The following TSSK2 variants were observed in gnomAD, a reference collection of about 807,000 sequenced individuals.
TSSK2 encodes testis specific serine kinase 2.
A neutral mutation model predicts 14.2 loss-of-function variants in TSSK2; 5 were observed. The ratio of observed to expected loss-of-function variants is 0.35; its 90% confidence interval spans 0.18 to 0.74. The LOEUF is 0.74. Among genes scored for constraint, TSSK2 ranks in the 30% least tolerant of loss-of-function variants. The probability of loss-of-function intolerance (pLI) is 0.56; values close to 1 mark genes in which losing one functional copy is unlikely to be tolerated. For missense variants in TSSK2, 439 were observed against 491.1 expected, an observed-to-expected ratio of 0.89 and a Z score of 1.00; for synonymous variants, 209 against 201.9, an observed-to-expected ratio of 1.04 and a Z score of -0.30.
Position 19,132,532 on chromosome 22 carries a change from G to A in TSSK2, c.*56G>A. The A allele has an allele frequency of 6.6e-7, 1 of 1,522,890 alleles. No homozygotes were observed. The highest frequency in any genetic ancestry group is 1.4e-5 in the African/African-American group (1 of 72,496). The allele number at this position is 1,522,890 out of a possible 1,614,324, so 94.3% of individuals were successfully genotyped here. Reference sequence around the variant, plus strand: ...GGTCGGGGTTGGGGGGCATGGTGCAGTCGGCCTTCACGTAAACTAAGTAGG... The same window carrying A: ...GGTCGGGGTTGGGGGGCATGGTGCAATCGGCCTTCACGTAAACTAAGTAGG... On this transcript the variant is annotated 3_prime_UTR_variant, in exon 1 of 1. Coordinates refer to ENST00000399635, the MANE Select transcript of TSSK2 (RefSeq NM_053006.5). This position sits in a 1 kb window ranked among gnomAD's most constrained non-coding sequence, Gnocchi z 4.2.
chr22:19,132,036 T>C lies in TSSK2; in HGVS notation c.637T>C (p.Ser213Pro), dbSNP rs150218881. 9.9e-4 allele frequency: 1,592 copies of C among 1,614,006 alleles called. 1 individual carries two copies. Among genetic ancestry groups the C allele is most frequent in the Middle Eastern group, 1.5e-3 (9 of 6,062 alleles). The change falls in exon 1 of 1, where the codon TCC becomes CCC. Residue 213 changes from serine to proline, a missense_variant. Transcript: ENST00000399635. This position sits in a 1 kb window ranked among gnomAD's most constrained non-coding sequence, Gnocchi z 4.2. ...GATCCTGTACATCATGGTCTGCGGC[T>C]CCATGCCCTATGACGACTCCGACAT... The part of the protein sequence containing the change: ...GVILYIMVCG[S>P]MPYDDSDIRK...
Position 19,131,956 on chromosome 22 carries a change from T to C in TSSK2, c.557T>C (p.Val186Ala), listed in dbSNP as rs780542563. 1 of 1,613,958 alleles carries C rather than the reference T, an allele frequency of 6.2e-7. No individual in the cohort carries two copies. Among genetic ancestry groups the C allele is most frequent in the Non-Finnish European group, 8.5e-7 (1 of 1,180,016 alleles). Reference protein sequence around the residue: ...CGSAAYAAPEVLQSIPYQPKV... With the variant: ...CGSAAYAAPEALQSIPYQPKV... Reference sequence around the variant, plus strand: ...TCGGCAGCATATGCAGCCCCCGAGGTGCTGCAGAGCATCCCCTACCAGCCC... The same window carrying C: ...TCGGCAGCATATGCAGCCCCCGAGGCGCTGCAGAGCATCCCCTACCAGCCC... The change falls in exon 1 of 1, where the codon GTG becomes GCG. Residue 186 changes from valine to alanine, a missense_variant. Val to Ala is a moderately conservative substitution (Grantham distance 64, BLOSUM62 0). Coordinates refer to ENST00000399635, the MANE Select transcript of TSSK2 (RefSeq NM_053006.5). The surrounding 1 kb of genome is among the most constrained non-coding windows in gnomAD (Gnocchi z 5.7).
rs1275061241 is a variant in TSSK2 at position 19,132,083 on chromosome 22, G to C, written c.684G>C (p.Gln228His). The change falls in exon 1 of 1, where the codon CAG becomes CAC. Residue 228 changes from glutamine to histidine, a missense_variant. Transcript: ENST00000399635. This position sits in a 1 kb window ranked among gnomAD's most constrained non-coding sequence, Gnocchi z 4.2. Reference sequence around the variant, plus strand: ...ACATCAGGAAGATGCTGCGTATCCAGAAGGAGCACCGTGTGGACTTCCCGC... The same window carrying C: ...ACATCAGGAAGATGCTGCGTATCCACAAGGAGCACCGTGTGGACTTCCCGC... Reference protein sequence around the residue: ...DSDIRKMLRIQKEHRVDFPRS... With the variant: ...DSDIRKMLRIHKEHRVDFPRS... 1 of 1,613,204 alleles carries C rather than the reference G, an allele frequency of 6.2e-7. No homozygotes were observed.
Position 19,131,412 on chromosome 22 carries a change from A to G in TSSK2, c.13A>G (p.Thr5Ala). Residue 5 changes from threonine to alanine, a missense_variant, in exon 1 of 1, where the codon ACA (threonine) becomes GCA (alanine). Thr to Ala is a moderately conservative substitution (Grantham distance 58). Coordinates refer to ENST00000399635, the MANE Select transcript of TSSK2 (RefSeq NM_053006.5). The surrounding 1 kb of genome is among the most constrained non-coding windows in gnomAD (Gnocchi z 5.7). ...CGCTCCTGGCACCATGGACGATGCCACAGTCCTAAGGAAGAAGGGTTACAT... is the reference window on the plus strand; with the variant it reads ...CGCTCCTGGCACCATGGACGATGCCGCAGTCCTAAGGAAGAAGGGTTACAT... Reference protein sequence around the residue: MDDATVLRKKGYIVG... With the variant: MDDAAVLRKKGYIVG... 6.2e-7 allele frequency: 1 copy of G among 1,602,930 alleles called. No individual in the cohort carries two copies. Among genetic ancestry groups the G allele is most frequent in the African/African-American group, 1.3e-5 (1 of 74,718 alleles).
chr22:19,132,505 G>A lies in TSSK2; in HGVS notation c.*29G>A. ...GACAATGGCCCCGTTGTGTGTGGTG[G>A]GGGTCGGGGTTGGGGGGCATGGTGC... On this transcript the variant is annotated 3_prime_UTR_variant, in exon 1 of 1. Coordinates refer to ENST00000399635, the MANE Select transcript of TSSK2 (RefSeq NM_053006.5). This position sits in a 1 kb window ranked among gnomAD's most constrained non-coding sequence, Gnocchi z 4.2. 1 of 1,574,452 alleles carries A rather than the reference G, an allele frequency of 6.4e-7. No homozygotes were observed. Among genetic ancestry groups the A allele is most frequent in the South Asian group, 1.2e-5 (1 of 85,434 alleles).
Position 19,131,338 on chromosome 22 carries a change from T to C in TSSK2, c.-62T>C. On this transcript the variant is annotated 5_prime_UTR_variant, in exon 1 of 1. It removes an upstream start codon present in the reference 5' UTR. Coordinates refer to ENST00000399635, the MANE Select transcript of TSSK2 (RefSeq NM_053006.5). This position sits in a 1 kb window ranked among gnomAD's most constrained non-coding sequence, Gnocchi z 5.7. ...CCTCCGGTAGTGTAAATGAGGACAATGCCTGCTGGCCCACATGACGGGGGG... is the reference window on the plus strand; with the variant it reads ...CCTCCGGTAGTGTAAATGAGGACAACGCCTGCTGGCCCACATGACGGGGGG... 2 of 1,450,702 alleles carry C rather than the reference T, an allele frequency of 1.4e-6. No homozygotes were observed. The highest frequency in any genetic ancestry group is 2.6e-5 in the South Asian group (2 of 75,988). The allele number at this position is 1,450,702 out of a possible 1,614,324, so 89.9% of individuals were successfully genotyped here. A position where few individuals can be genotyped will look rare whatever the true frequency, so the allele number is the denominator to read the frequency against.
In TSSK2 at chr22:19,131,477, C is replaced by T; in HGVS notation, c.78C>T (p.Val26=). 1 of 1,614,118 alleles carries T rather than the reference C, an allele frequency of 6.2e-7. No homozygotes were observed. Among genetic ancestry groups the T allele is most frequent in the Non-Finnish European group, 8.5e-7 (1 of 1,180,024 alleles). The change falls in exon 1 of 1, where the codon GTC becomes GTT. Residue 26 remains valine (V), a synonymous_variant. Transcript: ENST00000399635. The surrounding 1 kb of genome is among the most constrained non-coding windows in gnomAD (Gnocchi z 5.7). ...TTGGCAAGGGTTCCTACGCAAAAGT[C>T]AAATCTGCCTACTCTGAGCGCCTCA... ...INLGKGSYAK[V]KSAYSERLKF... is the part of the protein sequence containing the mutation.
Position 19,131,348 on chromosome 22 carries a change from C to A in TSSK2, c.-52C>A. ...TGTAAATGAGGACAATGCCTGCTGG[C>A]CCACATGACGGGGGGATGTAGACGG... On this transcript the variant is annotated 5_prime_UTR_variant, in exon 1 of 1. Transcript: ENST00000399635. The surrounding 1 kb of genome is among the most constrained non-coding windows in gnomAD (Gnocchi z 5.7). 6.7e-7 allele frequency: 1 copy of A among 1,488,776 alleles called. No individual in the cohort carries two copies. Among genetic ancestry groups the A allele is most frequent in the Non-Finnish European group, 9.1e-7 (1 of 1,095,188 alleles). The allele number at this position is 1,488,776 out of a possible 1,614,324, so 92.2% of individuals were successfully genotyped here.
rs541176998 is a variant in TSSK2, at chr22:19,131,679, G to A, written c.280G>A (p.Val94Ile). 89 of 1,614,092 alleles carry A rather than the reference G, an allele frequency of 5.5e-5. 1 individual carries two copies. The highest frequency in any genetic ancestry group is 2.7e-4 in the South Asian group (25 of 91,072). The part of the protein sequence containing the change: ...GRIYIIMELG[V>I]QGDLLEFIKC... ...GATCTACATCATCATGGAGCTTGGC[G>A]TCCAGGGCGACCTCCTCGAGTTCAT... Residue 94 changes from valine to isoleucine, a missense_variant, in exon 1 of 1, where the codon GTC (valine) becomes ATC (isoleucine). Coordinates refer to ENST00000399635, the MANE Select transcript of TSSK2 (RefSeq NM_053006.5). The surrounding 1 kb of genome is among the most constrained non-coding windows in gnomAD (Gnocchi z 5.7).
In TSSK2 at chr22:19,132,209, G is replaced by C. The variant is rs367597828; in HGVS notation, c.810G>C (p.Ser270=). The part of the protein sequence containing the change: ...RLHIDEILSH[S]WLQPPKPKAT... The stretch of plus-strand genomic sequence containing the variant: ...ACATCGATGAGATCCTCAGCCACTC[G>C]TGGCTGCAGCCCCCCAAGCCCAAAG... Residue 270 remains serine (S), a synonymous_variant, in exon 1 of 1, where the codon TCG becomes TCC. Coordinates refer to ENST00000399635, the MANE Select transcript of TSSK2 (RefSeq NM_053006.5). This position sits in a 1 kb window ranked among gnomAD's most constrained non-coding sequence, Gnocchi z 4.2. The C allele has an allele frequency of 1.1e-5, 18 of 1,612,406 alleles. No homozygotes were observed. The African/African-American group carries it at 1.9e-4, about 17-fold the overall frequency.
At position 19,131,721 on chromosome 22, in the gene TSSK2, C is replaced by A. The variant is rs2146083969; in HGVS notation, c.322C>A (p.Leu108Met). ...CGAGTTCATCAAGTGCCAGGGAGCCCTGCATGAGGACGTGGCACGCAAGAT... is the reference window on the plus strand; with the variant it reads ...CGAGTTCATCAAGTGCCAGGGAGCCATGCATGAGGACGTGGCACGCAAGAT... ...LLEFIKCQGA[L>M]HEDVARKMFR... Residue 108 changes from leucine to methionine, a missense_variant, in exon 1 of 1, where the codon CTG (leucine) becomes ATG (methionine). Leu to Met is a conservative substitution (Grantham distance 15, BLOSUM62 2). Coordinates refer to ENST00000399635, the MANE Select transcript of TSSK2 (RefSeq NM_053006.5). This position sits in a 1 kb window ranked among gnomAD's most constrained non-coding sequence, Gnocchi z 5.7. The A allele has an allele frequency of 6.2e-7, 1 of 1,614,100 alleles. No individual in the cohort carries two copies. Among genetic ancestry groups the A allele is most frequent in the Non-Finnish European group, 8.5e-7 (1 of 1,179,964 alleles).
rs1569102418 is a variant in TSSK2 at position 19,131,572 on chromosome 22, C to G, written c.173C>G (p.Pro58Arg). ...TPTDFVERFL[P>R]REMDILATVN... ...ACTGACTTTGTGGAGAGATTCCTTC[C>G]TCGGGAGATGGACATCCTGGCAACT... is the stretch of plus-strand genomic sequence containing the variant. The change falls in exon 1 of 1, where the codon CCT (proline) becomes CGT (arginine). Residue 58 changes from proline to arginine, a missense_variant. Pro to Arg is a moderately radical substitution (Grantham distance 103). Coordinates refer to ENST00000399635, the MANE Select transcript of TSSK2 (RefSeq NM_053006.5). This position sits in a 1 kb window ranked among gnomAD's most constrained non-coding sequence, Gnocchi z 5.7. The G allele has an allele frequency of 6.2e-7, 1 of 1,614,122 alleles. No individual in the cohort carries two copies. The highest frequency in any genetic ancestry group is 8.5e-7 in the Non-Finnish European group (1 of 1,180,022).
At position 19,132,575 on chromosome 22, in the gene TSSK2, A is replaced by C. The variant is rs2083521576; in HGVS notation, c.*99A>C. 15 of 1,229,656 alleles carry C rather than the reference A, an allele frequency of 1.2e-5. No homozygotes were observed. Among genetic ancestry groups the C allele is most frequent in the Middle Eastern group, 4.0e-4 (2 of 5,012 alleles). The allele number at this position is 1,229,656 out of a possible 1,614,324, so 76.2% of individuals were successfully genotyped here. Reference sequence around the variant, plus strand: ...TAAGTAGGCAGGTAGGATCTGAAGAAGGCACAGGTGCAAGTAAAATTCGTC... The same window carrying C: ...TAAGTAGGCAGGTAGGATCTGAAGACGGCACAGGTGCAAGTAAAATTCGTC... On this transcript the variant is annotated 3_prime_UTR_variant, in exon 1 of 1. Transcript: ENST00000399635. This position sits in a 1 kb window ranked among gnomAD's most constrained non-coding sequence, Gnocchi z 4.2.
rs2083503865 is a variant in TSSK2 at position 19,131,335 on chromosome 22, C to A, written c.-65C>A. On this transcript the variant is annotated 5_prime_UTR_variant, in exon 1 of 1. Transcript: ENST00000399635. This position sits in a 1 kb window ranked among gnomAD's most constrained non-coding sequence, Gnocchi z 5.7. ...ACGCCTCCGGTAGTGTAAATGAGGACAATGCCTGCTGGCCCACATGACGGG... is the reference window on the plus strand; with the variant it reads ...ACGCCTCCGGTAGTGTAAATGAGGAAAATGCCTGCTGGCCCACATGACGGG... 7.0e-7 allele frequency: 1 copy of A among 1,431,310 alleles called. No homozygotes were observed. The allele number at this position is 1,431,310 out of a possible 1,614,324, so 88.7% of individuals were successfully genotyped here.
rs2083519644 is a variant in TSSK2 at position 19,132,452 on chromosome 22, T to G, written c.1053T>G (p.Ala351=). ...CCAAAGACCATCACATCTCCGGAGC[T>G]GAGGTGGGGAAAGCAAGCACCTAGC... ...SRAKDHHISG[A]EVGKAST The change falls in exon 1 of 1, where the codon GCT becomes GCG. Residue 351 remains alanine (A), a synonymous_variant. Transcript: ENST00000399635. This position sits in a 1 kb window ranked among gnomAD's most constrained non-coding sequence, Gnocchi z 4.2. The G allele has an allele frequency of 6.2e-7, 1 of 1,610,728 alleles. No individual in the cohort carries two copies. Among genetic ancestry groups the G allele is most frequent in the Non-Finnish European group, 8.5e-7 (1 of 1,178,652 alleles).
rs771881087 is a variant in TSSK2, at chr22:19,132,185, C to T, written c.786C>T (p.His262=). 4 of 1,613,200 alleles carry T rather than the reference C, an allele frequency of 2.5e-6. No homozygotes were observed. Among genetic ancestry groups the T allele is most frequent in the Non-Finnish European group, 3.4e-6 (4 of 1,179,418 alleles). The change falls in exon 1 of 1, where the codon CAC becomes CAT. Residue 262 remains histidine (H), a synonymous_variant. Coordinates refer to ENST00000399635, the MANE Select transcript of TSSK2 (RefSeq NM_053006.5). This position sits in a 1 kb window ranked among gnomAD's most constrained non-coding sequence, Gnocchi z 4.2. ...MLQPDVSQRL[H]IDEILSHSWL... ...AGCCCGACGTCAGCCAGCGGCTCCACATCGATGAGATCCTCAGCCACTCGT... is the reference window on the plus strand; with the variant it reads ...AGCCCGACGTCAGCCAGCGGCTCCATATCGATGAGATCCTCAGCCACTCGT...
At position 19,131,672 on chromosome 22, in the gene TSSK2, G is replaced by A. The variant is rs369014285; in HGVS notation, c.273G>A (p.Glu91=). ...ACGGACGGATCTACATCATCATGGA[G>A]CTTGGCGTCCAGGGCGACCTCCTCG... ...TSDGRIYIIM[E]LGVQGDLLEF... is the part of the protein sequence containing the mutation. The change falls in exon 1 of 1, where the codon GAG becomes GAA. Residue 91 remains glutamate (E), a synonymous_variant. Coordinates refer to ENST00000399635, the MANE Select transcript of TSSK2 (RefSeq NM_053006.5). The surrounding 1 kb of genome is among the most constrained non-coding windows in gnomAD (Gnocchi z 5.7). 4 of 1,614,118 alleles carry A rather than the reference G, an allele frequency of 2.5e-6. No individual in the cohort carries two copies. In the East Asian group the frequency reaches 8.9e-5, roughly 36 times the overall value.
rs2083503613 is a variant in TSSK2, at chr22:19,131,313, C to A, written c.-87C>A. On this transcript the variant is annotated 5_prime_UTR_variant, in exon 1 of 1. Transcript: ENST00000399635. This position sits in a 1 kb window ranked among gnomAD's most constrained non-coding sequence, Gnocchi z 5.7. ...CAGCCCAGGGCAGCCCAGCCAGACG[C>A]CTCCGGTAGTGTAAATGAGGACAAT... is the stretch of plus-strand genomic sequence containing the variant. 1 of 1,243,444 alleles carries A rather than the reference C, an allele frequency of 8.0e-7. No homozygotes were observed. The highest frequency in any genetic ancestry group is 1.1e-6 in the Non-Finnish European group (1 of 883,100). 77.0% of individuals were successfully genotyped at this position (1,243,444 alleles called of 1,614,324 possible).
rs767669673 is a variant in TSSK2 at position 19,132,327 on chromosome 22, CGGCCCGACCACA to C, written c.929_940del (p.Arg310_Lys314delinsGln). The stretch of plus-strand genomic sequence containing the variant: ...CAAGACAGGCTTGAGGCCCGACCAC[CGGCCCGACCACA>C]AGCTTGGAGCCAAAACCCAGCACCG... On this transcript the variant is annotated inframe_deletion, in exon 1 of 1. Transcript: ENST00000399635. This position sits in a 1 kb window ranked among gnomAD's most constrained non-coding sequence, Gnocchi z 4.2. 8 of 1,612,762 alleles carry C rather than the reference CGGCCCGACCACA, an allele frequency of 5.0e-6. No individual in the cohort carries two copies. The highest frequency in any genetic ancestry group is 6.8e-6 in the Non-Finnish European group (8 of 1,180,006).
Sources: allele counts gnomAD v4.1 joint callset, GRCh38; gene constraint gnomAD v4.1.1; non-coding constraint Gnocchi (gnomAD v3.1); transcripts MANE v1.5; gene names NCBI Gene and HGNC (gene_info 2026-07-23, HGNC 2026-07-21).